The following WDR7 variants were observed in gnomAD, a reference collection of about 807,000 sequenced individuals.
The protein encoded by WDR7 is WD repeat-containing protein 7.
Under a neutral mutation model 169.4 loss-of-function variants are expected in WDR7, and 46 were observed. The observed-to-expected ratio is 0.27, with a 90% CI of 0.21 to 0.35. WDR7 has a LOEUF of 0.35. WDR7 is among the 10% of genes least tolerant of loss of function. The pLI is 1.00. For synonymous variants in WDR7, 612 were observed against 666.8 expected (o/e 0.92, Z 1.27); for missense variants, 1,534 against 1,859.3 (o/e 0.83, Z 3.22).
At position 56,889,459 on chromosome 18, in the gene WDR7, C is replaced by G. The variant is rs1239019585; in HGVS notation, c.3526+9294C>G. 1.3e-5 allele frequency among the ~76,000 whole-genome samples: 2 copies of G among 152,006 alleles called. 1 individual carries two copies. Among genetic ancestry groups the G allele is most frequent in the Non-Finnish European group, 2.9e-5 (2 of 67,962 alleles). On this transcript the variant is annotated intron_variant, in intron 21 of 27. Transcript: ENST00000254442. ...ATACTTGACGTGTATTATTTACTCT[C>G]TTAGTCCTATCAAATAAGTACCATT...
intron 21 of WDR7, among the ~76,000 whole-genome samples, chr18:56,907,381 A>T (rs1184309643): frequency 1.3e-5 from 2 of 152,114 alleles, no homozygotes; most frequent in Admixed American, 1.3e-4. Context: ...CTTCTTATGG[A>T]TGCCTTCTAT....
intron 20 of WDR7, among the ~76,000 whole-genome samples, chr18:56,868,490 A>G (rs1407689597): frequency 2.0e-5 from 3 of 152,164 alleles, no homozygotes; most frequent in Non-Finnish European, 4.4e-5. Flanking sequence ...GCTGAAATGC[A>G]CAGATATAAA....
chr18:56,939,249 A>G (rs2047002234), intron 24 of WDR7, 62 bp from the exon 25 acceptor site: 3 of 1,283,672 alleles, frequency 2.3e-6, no homozygotes, highest in Non-Finnish European at 3.2e-6. Context: ...TAAATTAATC[A>G]TTTACATTTT....
chr18:56,985,825 C>T (rs1381673805), intron 26 of WDR7, among the ~76,000 whole-genome samples: 1 of 151,916 alleles, frequency 6.6e-6, no homozygotes, highest in African/African-American at 2.4e-5. Flanking sequence ...TCCTAAGAAA[C>T]AGGCTTTTTC....
chr18:56,855,084 T>C (rs1402426125), intron 20 of WDR7, among the ~76,000 whole-genome samples: 1 of 152,224 alleles, frequency 6.6e-6, no homozygotes, highest in African/African-American at 2.4e-5. Context: ...ATCTACATTC[T>C]ATCCAACGCT....
At chr18:56,959,012 T>C (rs1326896383) in intron 25 of WDR7, among the ~76,000 whole-genome samples, 2 of 152,030 alleles carry the variant, frequency 1.3e-5, no homozygotes, top group Non-Finnish European at 2.9e-5. Flanking sequence ...ATGGACATAA[T>C]AAAGAAAAAG....
chr18:56,950,894 C>A (rs1030089993), intron 25 of WDR7, among the ~76,000 whole-genome samples: 4 of 152,180 alleles, frequency 2.6e-5, no homozygotes, highest in Non-Finnish European at 5.9e-5. Flanking sequence ...GTTTTGAGGT[C>A]ATGTTATAGA....
rs576061187 is a variant in WDR7 at position 56,809,368 on chromosome 18, A to AATTCTGTTCAAGTT, written c.3191-6663_3191-6662insATTCTGTTCAAGTT. Among the ~76,000 whole-genome samples, 1,241 of 152,208 alleles carry AATTCTGTTCAAGTT rather than the reference A, an allele frequency of 8.2e-3. 18 individuals are homozygous for AATTCTGTTCAAGTT. The highest frequency in any genetic ancestry group is 0.026 in the African/African-American group (1,089 of 41,530). On this transcript the variant is annotated intron_variant, in intron 19 of 27. Coordinates refer to ENST00000254442, the MANE Select transcript of WDR7 (RefSeq NM_015285.3). ...ATTTGTGCCATGAGATAAAGTATTC[A>AATTCTGTTCAAGTT]GTATTTATTGAACCTTTATGAGATT...
intron 26 of WDR7, 137 bp downstream of exon 26, chr18:56,962,666 A>G: frequency 2.6e-6 from 2 of 759,384 alleles, no homozygotes; most frequent in South Asian, 1.7e-5. Context: ...TAGTTTAATG[A>G]AGGACGCACA....
intron 20 of WDR7, among the ~76,000 whole-genome samples, chr18:56,875,125 GT>G (rs1160357579): frequency 2.6e-5 from 4 of 152,164 alleles, no homozygotes; most frequent in Non-Finnish European, 5.9e-5. Context: ...TCCTCCAGAA[GT>G]TTTTTAAAGT....
chr18:56,710,861 A>G (rs1205464831), intron 12 of WDR7, among the ~76,000 whole-genome samples: 3 of 152,226 alleles, frequency 2.0e-5, no homozygotes, highest in African/African-American at 7.2e-5. Context: ...CAGTTGGAAC[A>G]TGCCTAGCAA....
At chr18:56,779,927 A>G (rs2044292867) in intron 18 of WDR7, among the ~76,000 whole-genome samples, 2 of 152,226 alleles carry the variant, frequency 1.3e-5, no homozygotes, top group Admixed American at 6.5e-5. Context: ...TTCAATTGCC[A>G]TATTTCAGTG....
intron 25 of WDR7, among the ~76,000 whole-genome samples, chr18:56,960,965 T>C (rs1250466717): frequency 1.3e-5 from 2 of 151,942 alleles, no homozygotes; most frequent in Non-Finnish European, 2.9e-5. Flanking sequence ...AGTGGTTTCC[T>C]TCCTGTTACT....
chr18:56,949,241 C>G (rs866147066), intron 25 of WDR7, among the ~76,000 whole-genome samples: 23 of 152,140 alleles, frequency 1.5e-4, no homozygotes, highest in Middle Eastern at 3.4e-3. Context: ...GTCTCAGGAT[C>G]TCATCAAAAT....
intron 22 of WDR7, among the ~76,000 whole-genome samples, chr18:56,934,682 T>C (rs2046934329): frequency 6.6e-6 from 1 of 152,106 alleles, no homozygotes; most frequent in Non-Finnish European, 1.5e-5. Flanking sequence ...TAATTTTTAT[T>C]TTCAGCTACA....
rs2046083546 is a variant in WDR7, at chr18:56,880,066, C to G, written c.3427C>G (p.Pro1143Ala). The G allele has an allele frequency of 6.2e-7, 1 of 1,613,902 alleles. No homozygotes were observed. The highest frequency in any genetic ancestry group is 1.3e-5 in the African/African-American group (1 of 74,886). ...AGCTGAATTTGGTGCTGAAATTGAACCTCCTAAACTATTGACCAGACCTCG... is the reference window on the plus strand; with the variant it reads ...AGCTGAATTTGGTGCTGAAATTGAAGCTCCTAAACTATTGACCAGACCTCG... ...IGAEFGAEIE[P>A]PKLLTRPRSS... Residue 1143 changes from proline to alanine, a missense_variant, in exon 21 of 28, where the codon CCT becomes GCT. Physicochemically the swap from Pro to Ala is conservative, Grantham distance 27. Coordinates refer to ENST00000254442, the MANE Select transcript of WDR7 (RefSeq NM_015285.3).
intron 1 of WDR7, among the ~76,000 whole-genome samples, chr18:56,663,499 A>G (rs1419041378): frequency 1.3e-5 from 2 of 152,170 alleles, no homozygotes; most frequent in Non-Finnish European, 2.9e-5. Context: ...CTTTAAAAGC[A>G]TTTAGGGGTG....
chr18:56,709,423 A>C (rs1251442290), intron 12 of WDR7, among the ~76,000 whole-genome samples: 3 of 152,202 alleles, frequency 2.0e-5, no homozygotes, highest in Non-Finnish European at 4.4e-5. Flanking sequence ...ATGGTATATA[A>C]TTACATAATA....
chr18:56,830,530 C>T (rs762309702), intron 20 of WDR7, among the ~76,000 whole-genome samples: 7 of 152,182 alleles, frequency 4.6e-5, no homozygotes, highest in Non-Finnish European at 1.0e-4. Flanking sequence ...CCCAGTTCAG[C>T]GTGTCACTAG....
Sources: gnomAD v4.1 joint callset for allele counts (sites outside exome capture counted in the v4.1 genomes callset) on GRCh38, gnomAD v4.1.1 for gene constraint, MANE v1.5 for transcripts, NCBI Gene and HGNC (gene_info 2026-07-23, HGNC 2026-07-21) for gene names.